Variants in PTPRZ1 observed in about 807,000 individuals in gnomAD.
The protein encoded by PTPRZ1 is protein tyrosine phosphatase receptor type Z1.
In PTPRZ1, 82 loss-of-function variants were observed where a neutral mutation model predicts 214.1. That is an observed-to-expected ratio of 0.38 (90% CI 0.32 to 0.46). The LOEUF (loss-of-function observed/expected upper bound fraction) is 0.46, where lower values mean the gene tolerates loss of function less well. PTPRZ1 is among the 20% of genes least tolerant of loss of function. The pLI is 1.00. For missense variants in PTPRZ1, 2,603 were observed against 2,748.7 expected, an observed-to-expected ratio of 0.95 and a Z score of 1.19; for synonymous variants, 945 against 987.9, an observed-to-expected ratio of 0.96 and a Z score of 0.81.
rs768545730 is a variant in PTPRZ1, at chr7:122,012,876, A to T, written c.3830A>T (p.Glu1277Val). 1 of 1,614,024 alleles carries T rather than the reference A, an allele frequency of 6.2e-7. No homozygotes were observed. The highest frequency in any genetic ancestry group is 1.1e-5 in the South Asian group (1 of 91,086). ...EKYEPVLLKS[E>V]SSHQVVPSLY... is the part of the protein sequence containing the mutation. ...TATGAACCAGTTTTGTTAAAAAGTG[A>T]AAGTTCCCACCAAGTGGTACCTTCT... Residue 1277 changes from glutamate to valine, a missense_variant, in exon 12 of 30, where the codon GAA becomes GTA. By Grantham distance (121) the Glu-to-Val change is moderately radical. Coordinates refer to ENST00000393386, the MANE Select transcript of PTPRZ1 (RefSeq NM_002851.3).
chr7:121,873,430 T>G lies in PTPRZ1; in HGVS notation c.-70T>G. ...CAAACAAACAAAAAAAACATTTCCT[T>G]CGCTCCCCCTCCCTCTCCACTCTGA... On this transcript the variant is annotated 5_prime_UTR_variant, in exon 1 of 30. Transcript: ENST00000393386. The G allele has an allele frequency of 6.6e-7, 1 of 1,515,222 alleles. No homozygotes were observed. The highest frequency in any genetic ancestry group is 9.1e-7 in the Non-Finnish European group (1 of 1,102,212). 93.9% of individuals were successfully genotyped at this position (1,515,222 alleles called of 1,614,324 possible).
chr7:121,884,762 C>T (rs1794348390), intron 1 of PTPRZ1, among the ~76,000 whole-genome samples: 1 of 152,102 alleles, frequency 6.6e-6, no homozygotes, highest in East Asian at 1.9e-4. Flanking sequence ...TGGGAGCATA[C>T]CAGAAAAGAG....
In PTPRZ1 at chr7:121,997,915, T is replaced by G; in HGVS notation, c.1149T>G (p.Ser383Arg). Residue 383 changes from serine to arginine, a missense_variant, in exon 10 of 30, where the codon AGT becomes AGG. Transcript: ENST00000393386. ...TCAATAATTTGCTACCCAATATGAG[T>G]TATGTTCTTCAGATAGTAGCCATAT... ...AILNNLLPNMSYVLQIVAICT... is the reference protein window; with the variant it reads ...AILNNLLPNMRYVLQIVAICT... 6.2e-7 allele frequency: 1 copy of G among 1,610,336 alleles called. No individual in the cohort carries two copies. Among genetic ancestry groups the G allele is most frequent in the Non-Finnish European group, 8.5e-7 (1 of 1,177,124 alleles).
At chr7:121,952,421 A>G (rs1234754414) in intron 2 of PTPRZ1, among the ~76,000 whole-genome samples, 3 of 152,082 alleles carry the variant, frequency 2.0e-5, no homozygotes, top group Non-Finnish European at 4.4e-5. Flanking sequence ...CTATATCTAC[A>G]AAAGAATTTT....
rs1799716930 is a variant in PTPRZ1, at chr7:122,041,071, T to C, written c.5801+92T>C. On this transcript the variant is annotated intron_variant, in intron 21 of 29. Coordinates refer to ENST00000393386, the MANE Select transcript of PTPRZ1 (RefSeq NM_002851.3). ...AACAAAGCTTTTGCCCAAATGGGAA[T>C]GATTTCTTGAAATGAGGGTGATGAA... The C allele has an allele frequency of 6.8e-6, 8 of 1,176,916 alleles. No homozygotes were observed. The East Asian group carries it at 1.6e-4, about 23-fold the overall frequency. 72.9% of individuals were successfully genotyped at this position (1,176,916 alleles called of 1,614,324 possible). A position where few individuals can be genotyped will look rare whatever the true frequency, so the allele number is the denominator to read the frequency against.
At chr7:122,000,784 T>C (rs1798300316) in intron 10 of PTPRZ1, among the ~76,000 whole-genome samples, 1 of 148,160 alleles carries the variant, frequency 6.7e-6, no homozygotes, top group African/African-American at 2.5e-5. Flanking sequence ...CCTCCTGGGT[T>C]CAAGCGATTC....
At chr7:121,990,093 G>A (rs1474506952) in intron 8 of PTPRZ1, among the ~76,000 whole-genome samples, 2 of 151,632 alleles carry the variant, frequency 1.3e-5, no homozygotes, top group Non-Finnish European at 2.9e-5. Flanking sequence ...CCTCAATTTT[G>A]GACCTTCAGT....
intron 2 of PTPRZ1, among the ~76,000 whole-genome samples, chr7:121,938,567 T>C (rs899180842): frequency 6.6e-6 from 1 of 152,254 alleles, no homozygotes; most frequent in Non-Finnish European, 1.5e-5. Flanking sequence ...GAGCACCATC[T>C]TCCTCGATGT....
At chr7:121,969,126 T>C (rs1030762261) in intron 3 of PTPRZ1, among the ~76,000 whole-genome samples, 1 of 152,116 alleles carries the variant, frequency 6.6e-6, no homozygotes, top group Non-Finnish European at 1.5e-5. Context: ...TAATTCCAGA[T>C]ACTCAGGAGG....
At chr7:121,983,920 C>T in intron 7 of PTPRZ1, 47 bp from the exon 8 acceptor site, 1 of 1,595,680 alleles carries the variant, frequency 6.3e-7, no homozygotes, top group Non-Finnish European at 8.6e-7. Context: ...AAGCATTTAC[C>T]AATGCCTTTG....
Position 122,054,035 on chromosome 7 carries a change from C to T in PTPRZ1, c.6378C>T (p.Asn2126=). 6.2e-7 allele frequency: 1 copy of T among 1,612,788 alleles called. No individual in the cohort carries two copies. The highest frequency in any genetic ancestry group is 1.3e-5 in the African/African-American group (1 of 74,974). The change falls in exon 26 of 30, where the codon AAC becomes AAT. Residue 2126 remains asparagine, a synonymous_variant. Transcript: ENST00000393386. ...TGGTTATGATTCCTGATGGCCAAAA[C>T]ATGGTAAGTCCCTTAGACCACTTTT... ...QLVVMIPDGQ[N]MAEDEFVYWP...
At chr7:122,042,535 C>A in intron 21 of PTPRZ1, 73 bp from the exon 22 acceptor site, 1 of 1,407,068 alleles carries the variant, frequency 7.1e-7, no homozygotes, top group Non-Finnish European at 9.6e-7. Context: ...AACATGACAA[C>A]CAGTAGTGAT....
chr7:122,032,818 T>A (rs191994477), intron 15 of PTPRZ1, among the ~76,000 whole-genome samples: 8 of 152,252 alleles, frequency 5.3e-5, no homozygotes, highest in Non-Finnish European at 1.2e-4. Flanking sequence ...AAGAAAGCAG[T>A]GTGAGGCAGT....
intron 8 of PTPRZ1, among the ~76,000 whole-genome samples, chr7:121,987,877 G>T (rs539155916): frequency 6.6e-6 from 1 of 152,276 alleles, no homozygotes; most frequent in Admixed American, 6.5e-5. Context: ...CAGCAAGATG[G>T]ATGGAGCTGC....
At chr7:121,962,660 G>GT (rs1796917223) in intron 2 of PTPRZ1, among the ~76,000 whole-genome samples, 1 of 151,156 alleles carries the variant, frequency 6.6e-6, no homozygotes, top group Non-Finnish European at 1.5e-5. Context: ...CACCTCTCAG[G>GT]TTCAAGCAAT....
chr7:121,970,619 T>C (rs1264425172), intron 3 of PTPRZ1, among the ~76,000 whole-genome samples: 1 of 152,050 alleles, frequency 6.6e-6, no homozygotes, highest in Non-Finnish European at 1.5e-5. Flanking sequence ...AGTGTCTGTT[T>C]ATATCCTTTG....
At chr7:121,925,579 G>C (rs1795731717) in intron 1 of PTPRZ1, among the ~76,000 whole-genome samples, 1 of 152,196 alleles carries the variant, frequency 6.6e-6, no homozygotes, top group Admixed American at 6.5e-5. Context: ...TGCAGTAGGG[G>C]AGAGAAGCTG....
intron 2 of PTPRZ1, among the ~76,000 whole-genome samples, chr7:121,942,826 A>T (rs982328870): frequency 1.8e-4 from 27 of 152,232 alleles, no homozygotes; most frequent in South Asian, 2.1e-4. Flanking sequence ...TTTGGCCTTA[A>T]ATAGATAGTC....
chr7:122,034,030 T>C, intron 15 of PTPRZ1, 65 bp from the exon 16 acceptor site: 1 of 1,440,058 alleles, frequency 6.9e-7, no homozygotes, highest in South Asian at 1.2e-5. Flanking sequence ...ACGCTTTTTT[T>C]TCTCATTTGT....
Sources: gnomAD v4.1 joint callset for allele counts (sites outside exome capture counted in the v4.1 genomes callset) on GRCh38, gnomAD v4.1.1 for gene constraint, MANE v1.5 for transcripts, NCBI Gene and HGNC (gene_info 2026-07-23, HGNC 2026-07-21) for gene names.